The following SHROOM4 variants were observed in gnomAD, a reference collection of about 807,000 sequenced individuals.
The protein encoded by SHROOM4 is shroom family member 4, also known as protein Shroom4.
In SHROOM4, 17 loss-of-function variants were observed where a neutral mutation model predicts 80.3. That is an observed-to-expected ratio of 0.21 (90% CI 0.14 to 0.32). The LOEUF is 0.32. SHROOM4 is among the 10% of genes least tolerant of loss of function. The pLI is 1.00. For synonymous variants in SHROOM4, 400 were observed against 437.5 expected, an observed-to-expected ratio of 0.91 and a Z score of 1.07; for missense variants, 993 against 1,140.3, an observed-to-expected ratio of 0.87 and a Z score of 1.86.
At chrX:50,722,617 C>G (rs1360673647) in intron 1 of SHROOM4, among the ~76,000 whole-genome samples, 15 of 110,694 alleles carry the variant, frequency 1.4e-4, no homozygotes, top group African/African-American at 4.0e-4. Flanking sequence ...GCCTTCCAGG[C>G]CTGCTTCCTT....
chrX:50,794,749 G>A (rs1557271862), intron 1 of SHROOM4, among the ~76,000 whole-genome samples: 1 of 107,068 alleles, frequency 9.3e-6, no homozygotes, highest in Non-Finnish European at 1.9e-5. Context: ...ACCTAGCATA[G>A]TAATACATGT....
intron 1 of SHROOM4, among the ~76,000 whole-genome samples, chrX:50,722,011 CAT>C (rs1268830584): frequency 9.0e-6 from 1 of 110,712 alleles, no homozygotes; most frequent in Non-Finnish European, 1.9e-5. Flanking sequence ...ATGATTAGCA[CAT>C]GTTTCACATT....
chrX:50,660,594 C>T (rs1237064648), intron 2 of SHROOM4, among the ~76,000 whole-genome samples: 2 of 79,839 alleles, frequency 2.5e-5, no homozygotes, highest in African/African-American at 9.4e-5. Flanking sequence ...CTCCCTCCCT[C>T]TCTCTCCCTC....
chrX:50,627,453 G>A (rs1930847647), intron 5 of SHROOM4, among the ~76,000 whole-genome samples, 161 bp downstream of exon 5: 1 of 111,043 alleles, frequency 9.0e-6, no homozygotes, highest in African/African-American at 3.3e-5. Flanking sequence ...AGGAGTGCGG[G>A]GGGCAGGGGG....
chrX:50,633,838 A>G lies in SHROOM4; in HGVS notation c.2235T>C (p.Pro745=), dbSNP rs782376472. The part of the protein sequence containing the change: ...QPLVAAAMEG[P]SNPGDNKELK... Reference sequence around the variant, plus strand: ...ATTCCTTGTTGTCACCTGGGTTGGAAGGGCCTTCCATGGCTGCTGCCACAA... The same window carrying G: ...ATTCCTTGTTGTCACCTGGGTTGGAGGGGCCTTCCATGGCTGCTGCCACAA... Residue 745 remains proline (P), a synonymous_variant, in exon 4 of 9, where the codon CCT becomes CCC. Coordinates refer to ENST00000376020, the MANE Select transcript of SHROOM4 (RefSeq NM_020717.5). 2 of 1,210,753 alleles carry G rather than the reference A, an allele frequency of 1.7e-6. No individual in the cohort carries two copies. The highest frequency in any genetic ancestry group is 1.7e-5 in the African/African-American group (1 of 57,349).
At chrX:50,622,370 A>G (rs781903646) in intron 5 of SHROOM4, among the ~76,000 whole-genome samples, 1 of 112,500 alleles carries the variant, frequency 8.9e-6, no homozygotes, top group Non-Finnish European at 1.9e-5. Context: ...AATCATAGGT[A>G]CAGAAAACCA....
At chrX:50,746,566 T>C (rs1288862223) in intron 1 of SHROOM4, among the ~76,000 whole-genome samples, 2 of 112,024 alleles carry the variant, frequency 1.8e-5, no homozygotes, top group African/African-American at 6.5e-5. Flanking sequence ...CACTCCTGTT[T>C]GAGTTGGTAA....
In SHROOM4 at chrX:50,589,514, T is replaced by C. The variant is rs1471411495; in HGVS notation, c.*7181A>G. Among the ~76,000 whole-genome samples, 1 of 111,919 alleles carries C rather than the reference T, an allele frequency of 8.9e-6. No homozygotes were observed. The highest frequency in any genetic ancestry group is 1.9e-5 in the Non-Finnish European group (1 of 53,210). ...AGATTTGCCTGTTTGGGACATTTCA[T>C]ATAAATTAAATCATACAATATGTGG... On this transcript the variant is annotated 3_prime_UTR_variant, in exon 9 of 9. Transcript: ENST00000376020.
chrX:50,789,484 T>C (rs1341280473), intron 1 of SHROOM4, among the ~76,000 whole-genome samples: 2 of 111,354 alleles, frequency 1.8e-5, no homozygotes, highest in Non-Finnish European at 3.8e-5. Context: ...ACAAAACCGA[T>C]GGAATGCAGC....
rs561359821 is a variant in SHROOM4 at position 50,586,869 on chromosome X, G to A, written c.*9826C>T. Among the ~76,000 whole-genome samples the A allele has an allele frequency of 5.7e-4, 63 of 111,126 alleles. No homozygotes were observed. The South Asian group carries it at 0.018, about 32-fold the overall frequency. Reference sequence around the variant, plus strand: ...TTTGACATCCATTACATAGTGAAATGATTGCTACAGTCATGCAAATTAAAT... The same window carrying A: ...TTTGACATCCATTACATAGTGAAATAATTGCTACAGTCATGCAAATTAAAT... On this transcript the variant is annotated 3_prime_UTR_variant, in exon 9 of 9. Transcript: ENST00000376020.
rs1156932300 is a variant in SHROOM4 at position 50,795,113 on chromosome X, TG to T, written c.117+18788del. Among the ~76,000 whole-genome samples, 52 of 41,044 alleles carry T rather than the reference TG, an allele frequency of 1.3e-3. 3 individuals are homozygous for T. The highest frequency in any genetic ancestry group is 1.6e-3 in the Non-Finnish European group (42 of 26,396). 35.6% of individuals were successfully genotyped at this position (41,044 alleles called of 115,157 possible). ...GATATATATATATGATATATATATATGATATATATATATGATATATATATAT... is the reference window on the plus strand; with the variant it reads ...GATATATATATATGATATATATATATATATATATATATGATATATATATAT... On this transcript the variant is annotated intron_variant, in intron 1 of 8. Coordinates refer to ENST00000376020, the MANE Select transcript of SHROOM4 (RefSeq NM_020717.5).
intron 7 of SHROOM4, among the ~76,000 whole-genome samples, chrX:50,599,658 C>A (rs140681698): frequency 8.9e-6 from 1 of 111,834 alleles, no homozygotes; most frequent in East Asian, 2.8e-4. Flanking sequence ...GTTCACAACA[C>A]TCATTCTTGT....
Position 50,635,527 on chromosome X carries a change from G to A in SHROOM4, c.546C>T (p.Tyr182=), listed in dbSNP as rs1557255853. The change falls in exon 4 of 9, where the codon TAC becomes TAT. Residue 182 remains tyrosine, a synonymous_variant. Transcript: ENST00000376020. ...TGTAGGCTGAGTCACGCTGGTTAGG[G>A]TACATGTTCTGGTCAATAGGCAACA... ...SHLLPIDQNM[Y]PNQRDSAYSS... 1 of 1,211,001 alleles carries A rather than the reference G, an allele frequency of 8.3e-7. No individual in the cohort carries two copies. The highest frequency in any genetic ancestry group is 2.2e-5 in the Admixed American group (1 of 45,979).
intron 2 of SHROOM4, among the ~76,000 whole-genome samples, chrX:50,661,535 C>A (rs1368741475): frequency 1.8e-5 from 2 of 112,083 alleles, no homozygotes; most frequent in African/African-American, 6.5e-5. Context: ...AAAGACTTTT[C>A]TTATTTAAAG....
chrX:50,676,152 T>C (rs1557261268), intron 2 of SHROOM4, among the ~76,000 whole-genome samples: 1 of 111,647 alleles, frequency 9.0e-6, no homozygotes, highest in Non-Finnish European at 1.9e-5. Context: ...GTGTGTATCA[T>C]GGAATTATGT....
At chrX:50,651,555 C>T (rs937171593) in intron 2 of SHROOM4, among the ~76,000 whole-genome samples, 1 of 111,830 alleles carries the variant, frequency 8.9e-6, no homozygotes, top group East Asian at 2.8e-4. Context: ...GGATCAGAAA[C>T]TCTGGGGGTG....
intron 1 of SHROOM4, among the ~76,000 whole-genome samples, chrX:50,776,392 GAC>G (rs1935508985): frequency 9.0e-6 from 1 of 111,573 alleles, no homozygotes; most frequent in Non-Finnish European, 1.9e-5. Flanking sequence ...CTGTGTGCCA[GAC>G]ACAGCACCAA....
At chrX:50,700,369 T>C (rs1274705852) in intron 1 of SHROOM4, among the ~76,000 whole-genome samples, 1 of 112,134 alleles carries the variant, frequency 8.9e-6, no homozygotes, top group Non-Finnish European at 1.9e-5. Flanking sequence ...GTTCATCAAT[T>C]TGGCCTTTTC....
At chrX:50,722,947 C>T (rs1934153452) in intron 1 of SHROOM4, among the ~76,000 whole-genome samples, 2 of 109,951 alleles carry the variant, frequency 1.8e-5, no homozygotes, top group African/African-American at 6.6e-5. Flanking sequence ...AATTACCATA[C>T]CATAAAATTC....
Sources: allele counts gnomAD v4.1 joint callset (sites outside exome capture counted in the v4.1 genomes callset), GRCh38; gene constraint gnomAD v4.1.1; transcripts MANE v1.5; gene names NCBI Gene and HGNC (gene_info 2026-07-23, HGNC 2026-07-21).